Variants in ASTN2 observed in about 807,000 individuals in gnomAD.
ASTN2 encodes the protein astrotactin-2.
ASTN2 carries 54 observed loss-of-function variants against 139.8 expected under a neutral mutation model. The ratio of observed to expected loss-of-function variants is 0.39; its 90% CI spans 0.31 to 0.48. The LOEUF is 0.48. ASTN2 is among the 20% of genes least tolerant of loss of function. The probability of loss-of-function intolerance (pLI) is 0.95; values close to 1 mark genes in which losing one functional copy is unlikely to be tolerated. For synonymous variants in ASTN2, 756 were observed against 719.5 expected (o/e 1.05, Z -0.81); for missense variants, 1,565 against 1,725.1 (o/e 0.91, Z 1.64).
intron 4 of ASTN2, among the ~76,000 whole-genome samples, chr9:117,116,053 T>TATATATATATATATATA (rs55920877): frequency 4.7e-5 from 7 of 150,292 alleles, no homozygotes; most frequent in East Asian, 2.0e-4. Flanking sequence ...TATATATATA[T>TATATATATATATATATA]TGCTCCCATC....
At chr9:117,334,302 C>G (rs1158414495) in intron 1 of ASTN2, among the ~76,000 whole-genome samples, 1 of 152,038 alleles carries the variant, frequency 6.6e-6, no homozygotes, top group African/African-American at 2.4e-5. Context: ...AGGAACTGTC[C>G]ATGGTGGTAG....
chr9:116,632,256 A>AGAAAGAAAGAAAGAAAGAAAGAAG (rs1856838870), intron 17 of ASTN2, among the ~76,000 whole-genome samples: 1 of 103,082 alleles, frequency 9.7e-6, no homozygotes, highest in African/African-American at 4.6e-5. Flanking sequence ...AAAGAAGGAA[A>AGAAAGAAAGAAAGAAAGAAAGAAG]GAAAGAAAGA....
chr9:116,513,190 G>C (rs556788024), intron 19 of ASTN2, among the ~76,000 whole-genome samples: 2 of 152,270 alleles, frequency 1.3e-5, no homozygotes, highest in African/African-American at 4.8e-5. Context: ...TTGTAGGGCA[G>C]GCCTGGTGGT....
chr9:116,816,311 C>T (rs1408403275), intron 12 of ASTN2, among the ~76,000 whole-genome samples: 5 of 152,146 alleles, frequency 3.3e-5, no homozygotes, highest in Non-Finnish European at 7.4e-5. Context: ...AAGACTGGTT[C>T]TAAGGATTTA....
At position 116,908,695 on chromosome 9, in the gene ASTN2, T is replaced by C. The variant is rs1834232379; in HGVS notation, c.1890-44962A>G. 1.3e-5 allele frequency among the ~76,000 whole-genome samples: 2 copies of C among 152,190 alleles called. 1 individual carries two copies. Among genetic ancestry groups the C allele is most frequent in the South Asian group, 4.1e-4 (2 of 4,822 alleles). Reference sequence around the variant, plus strand: ...GTGAGAATTAGCCCACATTTGACACTTCCTTTTCATTGTTCAGAGCAGCCA... The same window carrying C: ...GTGAGAATTAGCCCACATTTGACACCTCCTTTTCATTGTTCAGAGCAGCCA... On this transcript the variant is annotated intron_variant, in intron 10 of 22. Transcript: ENST00000313400.
chr9:117,354,662 C>G (rs1183288100), intron 1 of ASTN2, among the ~76,000 whole-genome samples: 1 of 152,150 alleles, frequency 6.6e-6, no homozygotes, highest in African/African-American at 2.4e-5. Flanking sequence ...TATGATCTGG[C>G]TCCAGGCAAT....
intron 10 of ASTN2, among the ~76,000 whole-genome samples, chr9:116,966,478 CA>C (rs1245047724): frequency 1.3e-5 from 2 of 152,112 alleles, no homozygotes; most frequent in Admixed American, 1.3e-4. Context: ...TGGTGCTGAA[CA>C]ATGTTTGAAG....
intron 6 of ASTN2, among the ~76,000 whole-genome samples, chr9:117,008,884 A>T (rs1250667615): frequency 1.3e-5 from 2 of 152,158 alleles, no homozygotes; most frequent in African/African-American, 4.8e-5. Flanking sequence ...TTGTTTTATT[A>T]TAAGAAAGAC....
chr9:117,064,637 A>T (rs759348970), intron 5 of ASTN2, among the ~76,000 whole-genome samples: 17 of 152,172 alleles, frequency 1.1e-4, no homozygotes, highest in Non-Finnish European at 1.9e-4. Flanking sequence ...AATAATAGAC[A>T]TTGGAGACTC....
At chr9:116,929,061 A>G (rs796821283) in intron 10 of ASTN2, among the ~76,000 whole-genome samples, 9 of 152,304 alleles carry the variant, frequency 5.9e-5, no homozygotes, top group African/African-American at 2.2e-4. Flanking sequence ...CCAGCATATT[A>G]TCCCCATTTA....
intron 10 of ASTN2, among the ~76,000 whole-genome samples, chr9:116,946,741 G>A (rs2070211767): frequency 6.6e-6 from 1 of 152,010 alleles, no homozygotes; most frequent in South Asian, 2.1e-4. Flanking sequence ...GGGGGCTTGA[G>A]GTGGGAAGGA....
At chr9:116,495,171 TTC>T (rs1475197476) in intron 19 of ASTN2, among the ~76,000 whole-genome samples, 2 of 152,184 alleles carry the variant, frequency 1.3e-5, no homozygotes, top group African/African-American at 4.8e-5. Flanking sequence ...TACTGAGAGT[TTC>T]TGTGTGCCAG....
intron 19 of ASTN2, among the ~76,000 whole-genome samples, chr9:116,556,772 GAAGTA>G (rs1852640071): frequency 6.6e-6 from 1 of 152,042 alleles, no homozygotes; most frequent in Non-Finnish European, 1.5e-5. Context: ...CCCACATATT[GAAGTA>G]ATTTTCTACC....
chr9:116,466,418 G>C (rs570793366), intron 20 of ASTN2, among the ~76,000 whole-genome samples: 11 of 152,274 alleles, frequency 7.2e-5, no homozygotes, highest in African/African-American at 2.6e-4. Context: ...GTTTCTCAAA[G>C]GCTAGATATG....
chr9:117,287,041 G>A (rs967600782), intron 2 of ASTN2, among the ~76,000 whole-genome samples: 1 of 152,102 alleles, frequency 6.6e-6, no homozygotes, highest in Non-Finnish European at 1.5e-5. Context: ...TGTAAATGAA[G>A]GGCAACAACA....
intron 22 of ASTN2, among the ~76,000 whole-genome samples, chr9:116,427,084 G>A (rs937932014): frequency 5.3e-5 from 8 of 152,114 alleles, no homozygotes; most frequent in Non-Finnish European, 1.0e-4. Context: ...AATAAAGCCA[G>A]GAAGGATTCT....
At chr9:117,181,122 C>T (rs1353231143) in intron 3 of ASTN2, 10 of 866,172 alleles carry the variant, frequency 1.2e-5, no homozygotes, top group African/African-American at 1.6e-5. Context: ...GCATACACTA[C>T]CAAGAAAGCT....
chr9:117,112,435 G>C (rs1829274115), intron 4 of ASTN2, among the ~76,000 whole-genome samples: 1 of 152,100 alleles, frequency 6.6e-6, no homozygotes, highest in Non-Finnish European at 1.5e-5. Context: ...TTGGCTAAAG[G>C]ATAGGAATAT....
At chr9:116,870,342 T>C (rs868828446) in intron 10 of ASTN2, among the ~76,000 whole-genome samples, 9 of 152,280 alleles carry the variant, frequency 5.9e-5, no homozygotes, top group South Asian at 2.1e-4. Context: ...TTCTCAGCTC[T>C]GTAGATGACT....
Sources: allele counts gnomAD v4.1 joint callset (sites outside exome capture counted in the v4.1 genomes callset), GRCh38; gene constraint gnomAD v4.1.1; transcripts MANE v1.5; gene names NCBI Gene and HGNC (gene_info 2026-07-23, HGNC 2026-07-21).